The following MTARC2 variants were observed in gnomAD, a reference collection of about 807,000 sequenced individuals.
MTARC2 encodes mitochondrial amidoxime reducing component 2, also known as MOCO sulphurase C-terminal domain containing 2.
In MTARC2, 27 loss-of-function variants were observed where a neutral mutation model predicts 35.6. The observed-to-expected ratio is 0.76, with a 90% CI of 0.56 to 1.04. The LOEUF (loss-of-function observed/expected upper bound fraction) is 1.04, where lower values mean the gene tolerates loss of function less well. Among genes scored for constraint, MTARC2 ranks in the 50% least tolerant of loss-of-function variants. MTARC2 has a pLI of 0.00. For synonymous variants in MTARC2, 158 were observed against 167.1 expected, an observed-to-expected ratio of 0.95 and a Z score of 0.42; for missense variants, 412 against 432.5, an observed-to-expected ratio of 0.95 and a Z score of 0.42.
At chr1:220,779,938 C>G (rs1672020198) in intron 4 of MTARC2, 80 bp from the exon 5 acceptor site, 1 of 1,095,944 alleles carries the variant, frequency 9.1e-7, no homozygotes, top group South Asian at 1.8e-5. Flanking sequence ...TAGTTTCATA[C>G]TTAATATGAG....
chr1:220,773,904 A>G (rs887122888), intron 4 of MTARC2, among the ~76,000 whole-genome samples: 2 of 152,144 alleles, frequency 1.3e-5, no homozygotes, highest in Admixed American at 6.6e-5. Context: ...CTATAAATGT[A>G]TACACATAGC....
chr1:220,768,194 A>G (rs1479355297), intron 4 of MTARC2, among the ~76,000 whole-genome samples: 1 of 152,242 alleles, frequency 6.6e-6, no homozygotes, highest in Non-Finnish European at 1.5e-5. Flanking sequence ...GGGTTCTAAT[A>G]TCAGTGTAGT....
intron 2 of MTARC2, among the ~76,000 whole-genome samples, chr1:220,759,744 T>C (rs574460503): frequency 6.6e-5 from 10 of 152,198 alleles, no homozygotes; most frequent in Admixed American, 6.5e-4. Flanking sequence ...GATCATGAGA[T>C]GTCTGTAGAG....
intron 1 of MTARC2, among the ~76,000 whole-genome samples, chr1:220,750,183 A>G (rs576922875): frequency 6.6e-6 from 1 of 152,344 alleles, no homozygotes; most frequent in South Asian, 2.1e-4. Context: ...ATGAAGAAGA[A>G]GAGGATGTTT....
At chr1:220,749,054 T>C (rs1166646195) in intron 1 of MTARC2, among the ~76,000 whole-genome samples, 1 of 152,042 alleles carries the variant, frequency 6.6e-6, no homozygotes, top group African/African-American at 2.4e-5. Context: ...CAGGAGGGGG[T>C]CTGACCTGTA....
At chr1:220,780,731 A>T (rs1672049274) in intron 6 of MTARC2, among the ~76,000 whole-genome samples, 1 of 152,146 alleles carries the variant, frequency 6.6e-6, no homozygotes, top group South Asian at 2.1e-4. Context: ...GGCATGAGCC[A>T]CCATACCCAG....
At chr1:220,755,969 G>A (rs896076026) in intron 2 of MTARC2, among the ~76,000 whole-genome samples, 2 of 152,220 alleles carry the variant, frequency 1.3e-5, no homozygotes, top group African/African-American at 2.4e-5. Flanking sequence ...TTTAGCAGCT[G>A]TATCTCAGGG....
intron 4 of MTARC2, among the ~76,000 whole-genome samples, chr1:220,763,953 A>T (rs1033061166): frequency 3.9e-5 from 6 of 152,214 alleles, no homozygotes; most frequent in Non-Finnish European, 8.8e-5. Context: ...TAACTCCAGC[A>T]TCTGTAGAGC....
At chr1:220,758,559 AC>A (rs1671345678) in intron 2 of MTARC2, among the ~76,000 whole-genome samples, 1 of 151,930 alleles carries the variant, frequency 6.6e-6, no homozygotes, top group Non-Finnish European at 1.5e-5. Context: ...AGCTGGGACT[AC>A]AGGCATGCAC....
At chr1:220,755,396 T>G (rs935500457) in intron 2 of MTARC2, among the ~76,000 whole-genome samples, 18 of 152,118 alleles carry the variant, frequency 1.2e-4, no homozygotes, top group African/African-American at 4.1e-4. Flanking sequence ...CAACAGATTC[T>G]CTAGAAACTG....
rs552503765 is a variant in MTARC2 at position 220,782,091 on chromosome 1, C to T, written c.*31+159C>T. Among the ~76,000 whole-genome samples the T allele has an allele frequency of 4.9e-4, 74 of 152,244 alleles. 1 individual carries two copies. In the South Asian group the frequency reaches 0.013, roughly 27 times the overall value. On this transcript the variant is annotated intron_variant, in intron 7 of 7. Coordinates refer to ENST00000366913, the MANE Select transcript of MTARC2 (RefSeq NM_017898.5). Reference sequence around the variant, plus strand: ...GGAAAATGCCCTTAATTTCTGTTCCCTGCAGTAATTTGTGTACTCCTACCT... The same window carrying T: ...GGAAAATGCCCTTAATTTCTGTTCCTTGCAGTAATTTGTGTACTCCTACCT...
chr1:220,752,959 A>T (rs990103950), intron 1 of MTARC2, among the ~76,000 whole-genome samples: 1 of 151,768 alleles, frequency 6.6e-6, no homozygotes, highest in African/African-American at 2.4e-5. Flanking sequence ...TCACGCCTGT[A>T]ATCCCAACAC....
chr1:220,781,651 G>A (rs571136738), intron 6 of MTARC2, 127 bp from the exon 7 acceptor site: 43 of 944,512 alleles, frequency 4.6e-5, no homozygotes, highest in Non-Finnish European at 5.2e-5. Context: ...GACTTCTCTC[G>A]CAACATTTTA....
At chr1:220,763,164 A>G in intron 4 of MTARC2, 114 bp downstream of exon 4, 2 of 1,404,022 alleles carry the variant, frequency 1.4e-6, no homozygotes, top group Non-Finnish European at 2.0e-6. Flanking sequence ...TCATTCACTC[A>G]TTGCTGCTGC....
At chr1:220,782,154 A>G (rs1042927373) in intron 7 of MTARC2, among the ~76,000 whole-genome samples, 2 of 152,184 alleles carry the variant, frequency 1.3e-5, no homozygotes, top group African/African-American at 4.8e-5. Context: ...TAATGGTAAA[A>G]TGCTGATGGA....
intron 4 of MTARC2, among the ~76,000 whole-genome samples, chr1:220,777,997 G>A (rs2102570239): frequency 6.6e-6 from 1 of 152,260 alleles, no homozygotes; most frequent in East Asian, 1.9e-4. Flanking sequence ...AATCCCAGCA[G>A]TTTGGGAGGC....
In MTARC2 at chr1:220,757,012, C is replaced by T. The variant is rs151292788; in HGVS notation, c.446+1892C>T. On this transcript the variant is annotated intron_variant, in intron 2 of 7. Transcript: ENST00000366913. ...CCACCTCCCAGGTTCAAGCGATTCTCCTGCCCCAGCCTCCTGAGTAGCTGG... is the reference window on the plus strand; with the variant it reads ...CCACCTCCCAGGTTCAAGCGATTCTTCTGCCCCAGCCTCCTGAGTAGCTGG... Among the ~76,000 whole-genome samples the T allele has an allele frequency of 2.1e-4, 32 of 152,388 alleles. No homozygotes were observed. In the East Asian group the frequency reaches 5.2e-3, roughly 25 times the overall value.
At chr1:220,764,765 C>A (rs1195202627) in intron 4 of MTARC2, among the ~76,000 whole-genome samples, 2 of 149,338 alleles carry the variant, frequency 1.3e-5, no homozygotes, top group Non-Finnish European at 3.0e-5. Context: ...GAGCGAGAAC[C>A]TGTGTATTTA....
intron 2 of MTARC2, among the ~76,000 whole-genome samples, chr1:220,755,459 G>T (rs1025724930): frequency 1.3e-5 from 2 of 152,196 alleles, no homozygotes; most frequent in African/African-American, 4.8e-5. Flanking sequence ...GGTGGGTCAG[G>T]AGGCAGAGGG....
Sources: gnomAD v4.1 joint callset for allele counts (sites outside exome capture counted in the v4.1 genomes callset) on GRCh38, gnomAD v4.1.1 for gene constraint, MANE v1.5 for transcripts, NCBI Gene and HGNC (gene_info 2026-07-23, HGNC 2026-07-21) for gene names.